Variants in SLCO1B3 observed in about 807,000 individuals in gnomAD.
SLCO1B3 encodes the protein liver-specific organic anion transporter 2.
In SLCO1B3, 72 loss-of-function variants were observed where a neutral mutation model predicts 71.8. The observed-to-expected ratio is 1.00, with a 90% CI of 0.83 to 1.22. SLCO1B3 has a LOEUF of 1.22. Ranked by LOEUF, SLCO1B3 falls within the 50% of genes most tolerant of loss-of-function variation. The pLI is 0.00. For synonymous variants in SLCO1B3, 298 were observed against 278.4 expected (o/e 1.07, Z -0.70); for missense variants, 911 against 819.7 (o/e 1.11, Z -1.36).
intron 3 of SLCO1B3, among the ~76,000 whole-genome samples, chr12:20,853,385 A>C (rs1865061293): frequency 6.6e-6 from 1 of 152,042 alleles, no homozygotes; most frequent in South Asian, 2.1e-4. Context: ...TTTTGGAAGT[A>C]TTTGATACTG....
intron 12 of SLCO1B3, among the ~76,000 whole-genome samples, chr12:20,882,511 C>G (rs1865712231): frequency 6.6e-6 from 1 of 152,152 alleles, no homozygotes; most frequent in African/African-American, 2.4e-5. Context: ...TCAAGCAATT[C>G]TCCTGCCTCA....
At chr12:20,863,179 GGATGTTGATGTGTAGAACTCA>G (rs1447790381) in intron 8 of SLCO1B3, among the ~76,000 whole-genome samples, 3 of 152,130 alleles carry the variant, frequency 2.0e-5, no homozygotes, top group Non-Finnish European at 4.4e-5. Flanking sequence ...ATGGTGACTT[GGATGTTGATGTGTAGAACTCA>G]GATGTTGATG....
At chr12:20,893,627 T>G (rs1370665515) in intron 13 of SLCO1B3, among the ~76,000 whole-genome samples, 3 of 152,156 alleles carry the variant, frequency 2.0e-5, no homozygotes, top group African/African-American at 7.2e-5. Context: ...AGGCTTTGTT[T>G]AGAACAAGAA....
At chr12:20,891,661 A>T (rs781056698) in intron 13 of SLCO1B3, among the ~76,000 whole-genome samples, 3 of 152,064 alleles carry the variant, frequency 2.0e-5, no homozygotes, top group Non-Finnish European at 2.9e-5. Context: ...AATACCAATG[A>T]TTCATAAGTT....
At chr12:20,847,173 G>A (rs924872884) in intron 3 of SLCO1B3, among the ~76,000 whole-genome samples, 2 of 151,726 alleles carry the variant, frequency 1.3e-5, no homozygotes, top group African/African-American at 4.8e-5. Context: ...TTTTACCTAA[G>A]GCTGATCCTC....
In SLCO1B3 at chr12:20,916,707, A is replaced by G. The variant is rs1331690384; in HGVS notation, c.*460A>G. Reference sequence around the variant, plus strand: ...ATATTTTTCAGAAATTATAAATATTATTAATTTAAAATTTGAATTTGTGTT... The same window carrying G: ...ATATTTTTCAGAAATTATAAATATTGTTAATTTAAAATTTGAATTTGTGTT... On this transcript the variant is annotated 3_prime_UTR_variant, in exon 16 of 16. Transcript: ENST00000381545. 6.6e-6 allele frequency: 1 copy of G among 152,176 alleles called. No individual in the cohort carries two copies. The highest frequency in any genetic ancestry group is 2.4e-5 in the African/African-American group (1 of 41,438). The allele number at this position is 152,176 out of a possible 1,614,324, so 9.4% of individuals were successfully genotyped here.
chr12:20,852,695 T>TA (rs1208816486), intron 3 of SLCO1B3, among the ~76,000 whole-genome samples: 1 of 152,218 alleles, frequency 6.6e-6, no homozygotes, highest in Admixed American at 6.5e-5. Flanking sequence ...TTATCTTTTT[T>TA]ATGATCTAGT....
chr12:20,824,337 T>C (rs965224684), intron 3 of SLCO1B3, among the ~76,000 whole-genome samples: 14 of 152,212 alleles, frequency 9.2e-5, no homozygotes, highest in Non-Finnish European at 1.9e-4. Flanking sequence ...GCAAGACTTA[T>C]TAATACATGA....
At chr12:20,853,812 G>A (rs1255656701) in intron 3 of SLCO1B3, among the ~76,000 whole-genome samples, 3 of 151,464 alleles carry the variant, frequency 2.0e-5, no homozygotes, top group African/African-American at 4.8e-5. Context: ...ATACAGTTAT[G>A]TTATTTATTT....
At chr12:20,887,528 G>A (rs1170329752) in intron 13 of SLCO1B3, among the ~76,000 whole-genome samples, 1 of 151,872 alleles carries the variant, frequency 6.6e-6, no homozygotes, top group Non-Finnish European at 1.5e-5. Context: ...TTTGAAAAAT[G>A]TCTGTTCATG....
intron 13 of SLCO1B3, among the ~76,000 whole-genome samples, chr12:20,885,027 C>T (rs1865766574): frequency 6.6e-6 from 1 of 152,108 alleles, no homozygotes; most frequent in South Asian, 2.1e-4. Context: ...TAGTTTGCCT[C>T]TCAACATGTT....
intron 13 of SLCO1B3, among the ~76,000 whole-genome samples, chr12:20,896,117 A>G (rs1477030701): frequency 2.6e-5 from 4 of 152,176 alleles, no homozygotes; most frequent in Non-Finnish European, 4.4e-5. Flanking sequence ...CATTTCTCCT[A>G]GGATTCCAGG....
chr12:20,818,116 T>G (rs569565016), intron 3 of SLCO1B3, among the ~76,000 whole-genome samples: 1 of 152,228 alleles, frequency 6.6e-6, no homozygotes, highest in Non-Finnish European at 1.5e-5. Flanking sequence ...GACTGGGGCC[T>G]AATAAAAAGG....
chr12:20,862,648 T>G (rs1865291837), intron 7 of SLCO1B3, 90 bp downstream of exon 7: 5 of 1,451,450 alleles, frequency 3.4e-6, no homozygotes, highest in Non-Finnish European at 4.7e-6. Context: ...TTTTACCTAT[T>G]AGAAAAATAT....
chr12:20,892,163 T>C (rs1865918247), intron 13 of SLCO1B3, among the ~76,000 whole-genome samples: 1 of 152,134 alleles, frequency 6.6e-6, no homozygotes, highest in African/African-American at 2.4e-5. Flanking sequence ...TCTCTGGTTC[T>C]TTCTAACTTA....
intron 13 of SLCO1B3, among the ~76,000 whole-genome samples, chr12:20,893,389 A>G (rs141380751): frequency 2.2e-4 from 33 of 152,304 alleles, no homozygotes; most frequent in East Asian, 7.7e-4. Context: ...GAGAGTTGTG[A>G]TGTGCCATTC....
intron 3 of SLCO1B3, among the ~76,000 whole-genome samples, chr12:20,819,767 G>A (rs571163505): frequency 3.7e-4 from 56 of 152,082 alleles, no homozygotes; most frequent in Non-Finnish European, 6.2e-4. Flanking sequence ...GGCACTGAGC[G>A]GGGTAAGGGT....
rs1865741484 is a variant in SLCO1B3 at position 20,883,797 on chromosome 12, A to T, written c.1682+195A>T. ...TTTTGTCTCTAATACTTCCATTGTC[A>T]AATCTAGGCTCTATACTTTCTTCTC... On this transcript the variant is annotated intron_variant, in intron 13 of 15. Transcript: ENST00000381545. 5.9e-5 allele frequency among the ~76,000 whole-genome samples: 9 copies of T among 151,870 alleles called. No individual in the cohort carries two copies. In the South Asian group the frequency reaches 1.9e-3, roughly 31 times the overall value.
chr12:20,862,533 A>G lies in SLCO1B3; in HGVS notation c.603A>G (p.Lys201=), dbSNP rs138661039. 1.5e-5 allele frequency: 24 copies of G among 1,611,052 alleles called. No homozygotes were observed. The African/African-American group carries it at 2.5e-4, about 17-fold the overall frequency. The part of the protein sequence containing the change: ...LGISYIDDFA[K]EGHSSLYLGS... ...TTTCATACATTGATGATTTTGCAAAAGAAGGACATTCTTCCTTGTATTTAG... is the reference window on the plus strand; with the variant it reads ...TTTCATACATTGATGATTTTGCAAAGGAAGGACATTCTTCCTTGTATTTAG... The change falls in exon 7 of 16, where the codon AAA becomes AAG. Residue 201 remains lysine, a synonymous_variant. Coordinates refer to ENST00000381545, the MANE Select transcript of SLCO1B3 (RefSeq NM_019844.4).
Sources: gnomAD v4.1 joint callset for allele counts (sites outside exome capture counted in the v4.1 genomes callset) on GRCh38, gnomAD v4.1.1 for gene constraint, MANE v1.5 for transcripts, NCBI Gene and HGNC (gene_info 2026-07-23, HGNC 2026-07-21) for gene names.